The following ZNRF3 variants were observed in gnomAD, a reference collection of about 807,000 sequenced individuals.
ZNRF3 encodes the protein zinc and ring finger 3.
ZNRF3 carries 23 observed loss-of-function variants against 72.5 expected under a neutral mutation model. The ratio of observed to expected loss-of-function variants is 0.32; its 90% CI spans 0.23 to 0.45. The LOEUF (loss-of-function observed/expected upper bound fraction) is 0.45, where lower values mean the gene tolerates loss of function less well. Ranked by LOEUF, ZNRF3 falls within the 20% of genes least tolerant of loss-of-function variation. ZNRF3 has a pLI of 1.00. For missense variants in ZNRF3, 1,169 were observed against 1,272.1 expected, an observed-to-expected ratio of 0.92 and a Z score of 1.23; for synonymous variants, 610 against 545.3, an observed-to-expected ratio of 1.12 and a Z score of -1.65.
intron 1 of ZNRF3, among the ~76,000 whole-genome samples, chr22:28,937,198 TATATATATATA>T (rs1363507333): frequency 0.014 from 42 of 2,920 alleles, 1 homozygote; most frequent in African/African-American, 0.021. Context: ...TATATATATA[TATATATATATA>T]TATATATTTT....
chr22:29,002,777 G>A (rs1395522154), intron 2 of ZNRF3, among the ~76,000 whole-genome samples: 1 of 152,154 alleles, frequency 6.6e-6, no homozygotes, highest in Non-Finnish European at 1.5e-5. Flanking sequence ...GTAAACCACA[G>A]CCTGTCTGGA....
At chr22:28,939,537 A>G (rs2034904923) in intron 1 of ZNRF3, among the ~76,000 whole-genome samples, 1 of 151,224 alleles carries the variant, frequency 6.6e-6, no homozygotes. Flanking sequence ...TATCTCTAAG[A>G]CCAAATCCTG....
At position 28,884,086 on chromosome 22, in the gene ZNRF3, GC is replaced by G; in HGVS notation, c.300+24del. ...GTGCAGGTAGCTGCCCGCCGCCCGG[GC>G]CCCGCGCCGCCTCCGCCACAAGATG... is the stretch of plus-strand genomic sequence containing the variant. On this transcript the variant is annotated intron_variant, in intron 1 of 8. Transcript: ENST00000544604. 1.7e-6 allele frequency: 2 copies of G among 1,144,536 alleles called. No individual in the cohort carries two copies. The highest frequency in any genetic ancestry group is 1.1e-6 in the Non-Finnish European group (1 of 922,432). 70.9% of individuals were successfully genotyped at this position (1,144,536 alleles called of 1,614,324 possible). A position where few individuals can be genotyped will look rare whatever the true frequency, so the allele number is the denominator to read the frequency against.
chr22:28,963,501 T>TA (rs1255446934), intron 1 of ZNRF3, among the ~76,000 whole-genome samples: 1 of 152,166 alleles, frequency 6.6e-6, no homozygotes, highest in East Asian at 1.9e-4. Context: ...GCTCAAGCGT[T>TA]AAAAGCAATA....
At position 29,030,822 on chromosome 22, in the gene ZNRF3, C is replaced by T. The variant is rs1461396024; in HGVS notation, c.427-11673C>T. Among the ~76,000 whole-genome samples the T allele has an allele frequency of 6.6e-6, 1 of 152,068 alleles. No homozygotes were observed. The highest frequency in any genetic ancestry group is 1.5e-5 in the Non-Finnish European group (1 of 67,988). ...GGAGGGCTCCTGGCGCGGGGAGGAG[C>T]CGCGGGAGGGGGGATGTTGGCCGCA... On this transcript the variant is annotated intron_variant, in intron 2 of 8. Transcript: ENST00000544604. The surrounding 1 kb of genome is among the most constrained non-coding windows in gnomAD (Gnocchi z 4.2).
At chr22:28,906,622 A>T (rs963255901) in intron 1 of ZNRF3, among the ~76,000 whole-genome samples, 1 of 152,230 alleles carries the variant, frequency 6.6e-6, no homozygotes, top group Non-Finnish European at 1.5e-5. Context: ...TGCTTAACAC[A>T]TGTTCGGTTG....
intron 1 of ZNRF3, among the ~76,000 whole-genome samples, chr22:28,901,406 A>G (rs2034101633): frequency 6.6e-6 from 1 of 152,140 alleles, no homozygotes. Flanking sequence ...TCCTTCAGCA[A>G]TTGTGATTTG....
intron 2 of ZNRF3, among the ~76,000 whole-genome samples, chr22:29,039,339 A>T (rs1390381163): frequency 1.3e-5 from 2 of 151,534 alleles, no homozygotes; most frequent in African/African-American, 4.9e-5. Context: ...AGGCCATTAG[A>T]CTCTCCAGGT....
intron 1 of ZNRF3, among the ~76,000 whole-genome samples, chr22:28,955,202 A>G (rs151162326): frequency 0.016 from 2,443 of 150,578 alleles, 75 homozygotes; most frequent in African/African-American, 0.057. Flanking sequence ...CACCACACCC[A>G]GCTAATTTTT....
rs1253052360 is a variant in ZNRF3 at position 29,030,862 on chromosome 22, T to G, written c.427-11633T>G. Among the ~76,000 whole-genome samples the G allele has an allele frequency of 6.6e-6, 1 of 152,166 alleles. No homozygotes were observed. The highest frequency in any genetic ancestry group is 2.4e-5 in the African/African-American group (1 of 41,440). ...TGTTGGCCGCAGGGCCTCGGAGTTC[T>G]GAGCTGTGTTTGTGGCTTCAGCGCT... On this transcript the variant is annotated intron_variant, in intron 2 of 8. Transcript: ENST00000544604. The surrounding 1 kb of genome is among the most constrained non-coding windows in gnomAD (Gnocchi z 4.2).
At chr22:28,931,027 T>C (rs1445362398) in intron 1 of ZNRF3, among the ~76,000 whole-genome samples, 2 of 152,216 alleles carry the variant, frequency 1.3e-5, no homozygotes, top group African/African-American at 4.8e-5. Context: ...GCCAAGGTTC[T>C]CATTACAAGT....
chr22:28,901,656 T>C (rs1013801312), intron 1 of ZNRF3, among the ~76,000 whole-genome samples: 2 of 91,634 alleles, frequency 2.2e-5, no homozygotes, highest in African/African-American at 3.5e-5. Context: ...TTTTTTTTTT[T>C]GAGACAGAGT....
intron 1 of ZNRF3, 67 bp downstream of exon 1, chr22:28,884,133 C>G (rs1378025207): frequency 9.6e-7 from 1 of 1,036,596 alleles, no homozygotes; most frequent in Non-Finnish European, 1.2e-6. Context: ...CTGCGCCCGC[C>G]GACCCCGCCG....
chr22:28,909,679 C>T (rs916348452), intron 1 of ZNRF3, among the ~76,000 whole-genome samples: 3 of 151,476 alleles, frequency 2.0e-5, no homozygotes, highest in Non-Finnish European at 4.4e-5. Flanking sequence ...CACCCAGGCT[C>T]AAGGGATCCT....
intron 1 of ZNRF3, among the ~76,000 whole-genome samples, chr22:28,965,177 G>A (rs1320324542): frequency 6.6e-6 from 1 of 152,140 alleles, no homozygotes; most frequent in African/African-American, 2.4e-5. Flanking sequence ...TTCCATCTTT[G>A]TTGCATCAGC....
chr22:29,011,592 G>C (rs1327875915), intron 2 of ZNRF3, among the ~76,000 whole-genome samples: 1 of 152,236 alleles, frequency 6.6e-6, no homozygotes, highest in Non-Finnish European at 1.5e-5. Flanking sequence ...TTTATCTTTA[G>C]GTTCTGAATG....
At chr22:29,024,286 T>TTTTTTTTG (rs2036587001) in intron 2 of ZNRF3, among the ~76,000 whole-genome samples, 1 of 150,018 alleles carries the variant, frequency 6.7e-6, no homozygotes, top group African/African-American at 2.4e-5. Context: ...CATTAACTGT[T>TTTTTTTTG]TTTTTTTTTT....
chr22:28,934,598 A>C (rs1296648978), intron 1 of ZNRF3, among the ~76,000 whole-genome samples: 1 of 152,118 alleles, frequency 6.6e-6, no homozygotes, highest in Non-Finnish European at 1.5e-5. Context: ...CAGGCAGATC[A>C]CTTGGGGTCA....
intron 1 of ZNRF3, among the ~76,000 whole-genome samples, chr22:28,907,732 G>C (rs571678544): frequency 2.6e-5 from 4 of 152,364 alleles, no homozygotes; most frequent in Admixed American, 2.0e-4. Flanking sequence ...AATCAGTGGG[G>C]ATGGTTATGT....
Sources: allele counts gnomAD v4.1 joint callset (sites outside exome capture counted in the v4.1 genomes callset), GRCh38; gene constraint gnomAD v4.1.1; non-coding constraint Gnocchi (gnomAD v3.1); transcripts MANE v1.5; gene names NCBI Gene and HGNC (gene_info 2026-07-23, HGNC 2026-07-21).